The following CELF2 variants were observed in gnomAD, a reference collection of about 807,000 sequenced individuals.
CELF2 encodes CUG triplet repeat RNA-binding protein 2.
In CELF2, 8 loss-of-function variants were observed where a neutral mutation model predicts 62.6. The ratio of observed to expected loss-of-function variants is 0.13; its 90% confidence interval spans 0.07 to 0.23. The LOEUF (loss-of-function observed/expected upper bound fraction) is 0.23, where lower values mean the gene tolerates loss of function less well. Ranked by LOEUF, CELF2 falls within the 10% of genes least tolerant of loss-of-function variation. CELF2 has a pLI of 1.00. For missense variants in CELF2, 333 were observed against 671.0 expected (o/e 0.50, Z 5.56); for synonymous variants, 258 against 250.0 (o/e 1.03, Z -0.30).
At chr10:11,150,108 A>G (rs563109057) in intron 1 of CELF2, among the ~76,000 whole-genome samples, 1 of 152,180 alleles carries the variant, frequency 6.6e-6, no homozygotes, top group Non-Finnish European at 1.5e-5. Flanking sequence ...AACATCAGTG[A>G]TATCTGTTTC....
chr10:11,059,305 G>A (rs184335877), intron 1 of CELF2, among the ~76,000 whole-genome samples: 1 of 152,246 alleles, frequency 6.6e-6, no homozygotes, highest in African/African-American at 2.4e-5. Flanking sequence ...TCTGTTTTAG[G>A]GTGGAAAACC....
intron 1 of CELF2, chr10:10,846,162 G>A: frequency 1.0e-6 from 1 of 973,012 alleles, no homozygotes; most frequent in Non-Finnish European, 1.2e-6. Context: ...TCACAGTAAG[G>A]AATCCATTCC....
the CELF2 span, among the ~76,000 whole-genome samples, chr10:10,650,377 C>A: frequency 6.6e-6 from 1 of 152,246 alleles, no homozygotes; most frequent in South Asian, 2.1e-4. Context: ...TATATCTTCC[C>A]ATTTGACTTA....
At chr10:11,067,934 T>C (rs1020259071) in intron 1 of CELF2, among the ~76,000 whole-genome samples, 2 of 152,202 alleles carry the variant, frequency 1.3e-5, no homozygotes, top group African/African-American at 4.8e-5. Context: ...CTGATCCCAG[T>C]AGGTACTTAG....
intron 1 of CELF2, among the ~76,000 whole-genome samples, chr10:10,867,248 C>T (rs886195565): frequency 6.6e-5 from 10 of 152,174 alleles, no homozygotes; most frequent in African/African-American, 2.4e-4. Flanking sequence ...CAGTGGGCTC[C>T]CCCAGGTGGG....
At chr10:10,623,285 C>CTGTGTAA in the CELF2 span, among the ~76,000 whole-genome samples, 2 of 151,938 alleles carry the variant, frequency 1.3e-5, no homozygotes, top group African/African-American at 2.4e-5. Flanking sequence ...TGTGGGTAAT[C>CTGTGTAA]TGTGTAATAA....
chr10:10,574,614 T>C, the CELF2 span, among the ~76,000 whole-genome samples: 1 of 152,218 alleles, frequency 6.6e-6, no homozygotes, highest in Non-Finnish European at 1.5e-5. Flanking sequence ...GCTGTTTTTG[T>C]TCAAAATAAG....
the CELF2 span, among the ~76,000 whole-genome samples, chr10:10,463,628 A>G: frequency 6.6e-6 from 1 of 152,144 alleles, no homozygotes; most frequent in Non-Finnish European, 1.5e-5. Context: ...AAATATATCC[A>G]TGTGTCAAAC....
the CELF2 span, among the ~76,000 whole-genome samples, chr10:10,748,357 T>C: frequency 6.6e-6 from 1 of 152,148 alleles, no homozygotes; most frequent in East Asian, 1.9e-4. Flanking sequence ...TATGCACAAA[T>C]ATTATTTGTC....
At position 11,010,747 on chromosome 10, in the gene CELF2, TC is replaced by T. The variant is rs1195236451; in HGVS notation, c.53+5309del. 2.0e-5 allele frequency among the ~76,000 whole-genome samples: 3 copies of T among 152,220 alleles called. No individual in the cohort carries two copies. Among genetic ancestry groups the T allele is most frequent in the Non-Finnish European group, 4.4e-5 (3 of 68,038 alleles). ...ACATTTCTTTCTCTGGTGCTGTGGTTCCACTGTAGACGTTGATTTGTGTCTC... is the reference window on the plus strand; with the variant it reads ...ACATTTCTTTCTCTGGTGCTGTGGTTCACTGTAGACGTTGATTTGTGTCTC... On this transcript the variant is annotated intron_variant, in intron 1 of 12. Coordinates refer to the CELF2 transcript ENST00000416382. The surrounding 1 kb of genome is among the most constrained non-coding windows in gnomAD (Gnocchi z 4.1).
rs562827019 is a variant in CELF2 at position 11,321,875 on chromosome 10, G to A, written c.1294+489G>A. Among the ~76,000 whole-genome samples the A allele has an allele frequency of 6.6e-6, 1 of 152,268 alleles. No individual in the cohort carries two copies. Among genetic ancestry groups the A allele is most frequent in the East Asian group, 1.9e-4 (1 of 5,186 alleles). On this transcript the variant is annotated intron_variant, in intron 11 of 12. Coordinates refer to ENST00000633077, the MANE Select transcript of CELF2 (RefSeq NM_001326342.2). The surrounding 1 kb of genome is among the most constrained non-coding windows in gnomAD (Gnocchi z 6.2). ...ATTATTTCCCCCAGCTACATCTTCTGAAGGGTTATGGCATCTCTGCAGATC... is the reference window on the plus strand; with the variant it reads ...ATTATTTCCCCCAGCTACATCTTCTAAAGGGTTATGGCATCTCTGCAGATC...
Position 10,823,834 on chromosome 10 carries a change from G to T in CELF2, c.53+25017G>T, listed in dbSNP as rs945722945. 2.6e-5 allele frequency among the ~76,000 whole-genome samples: 4 copies of T among 152,104 alleles called. No individual in the cohort carries two copies. In the East Asian group the frequency reaches 7.7e-4, roughly 29 times the overall value. On this transcript the variant is annotated intron_variant, in intron 1 of 13. Coordinates refer to the CELF2 transcript ENST00000636488. Reference sequence around the variant, plus strand: ...ATTCTTATACCCATTTTATATATGAGAAAAAGCATAAAACTTGTTCAAACA... The same window carrying T: ...ATTCTTATACCCATTTTATATATGATAAAAAGCATAAAACTTGTTCAAACA...
rs1278649496 is a variant in CELF2 at position 11,333,776 on chromosome 10, G to C, written c.*4723G>C. 1 of 152,288 alleles carries C rather than the reference G, an allele frequency of 6.6e-6. No homozygotes were observed. Among genetic ancestry groups the C allele is most frequent in the Non-Finnish European group, 1.5e-5 (1 of 67,958 alleles). 9.4% of individuals were successfully genotyped at this position (152,288 alleles called of 1,614,324 possible). A position where few individuals can be genotyped will look rare whatever the true frequency, so the allele number is the denominator to read the frequency against. ...TATTGTTTGTTTTATTGATGCATTT[G>C]GATTTTGTTGTTTGATGGAATTTGA... is the stretch of plus-strand genomic sequence containing the variant. On this transcript the variant is annotated 3_prime_UTR_variant, in exon 13 of 13. Coordinates refer to ENST00000633077, the MANE Select transcript of CELF2 (RefSeq NM_001326342.2).
intron 1 of CELF2, among the ~76,000 whole-genome samples, chr10:10,880,595 G>A (rs972968749): frequency 2.0e-5 from 3 of 152,094 alleles, no homozygotes; most frequent in African/African-American, 4.8e-5. Context: ...AATATGTTGA[G>A]CATATGGATT....
intron 1 of CELF2, among the ~76,000 whole-genome samples, chr10:10,844,484 G>A (rs1434995942): frequency 6.6e-6 from 1 of 152,108 alleles, no homozygotes; most frequent in Non-Finnish European, 1.5e-5. Context: ...TAGTACAGAA[G>A]ATTCCTCTAA....
At chr10:11,301,260 G>A (rs576271618) in intron 9 of CELF2, among the ~76,000 whole-genome samples, 14 of 151,986 alleles carry the variant, frequency 9.2e-5, no homozygotes, top group African/African-American at 2.9e-4. Context: ...AAGTTCCTCC[G>A]CAGGCAGCCT....
the CELF2 span, among the ~76,000 whole-genome samples, chr10:10,520,888 A>G: frequency 1.3e-5 from 2 of 152,070 alleles, no homozygotes; most frequent in Non-Finnish European, 2.9e-5. Flanking sequence ...CATATGGGGG[A>G]AAAAAAGGGG....
intron 2 of CELF2, among the ~76,000 whole-genome samples, chr10:10,996,363 G>A (rs2053949452): frequency 6.6e-6 from 1 of 152,194 alleles, no homozygotes; most frequent in Non-Finnish European, 1.5e-5. Flanking sequence ...AGAAATGAGG[G>A]CAAGGAGCTG....
chr10:10,727,467 C>T, the CELF2 span, among the ~76,000 whole-genome samples: 1 of 152,104 alleles, frequency 6.6e-6, no homozygotes, highest in African/African-American at 2.4e-5. Flanking sequence ...AGAACATCTG[C>T]CCTTGATTGC....
Sources: gnomAD v4.1 joint callset for allele counts (sites outside exome capture counted in the v4.1 genomes callset) on GRCh38, gnomAD v4.1.1 for gene constraint, Gnocchi (gnomAD v3.1) non-coding constraint, MANE v1.5 for transcripts, NCBI Gene and HGNC (gene_info 2026-07-23, HGNC 2026-07-21) for gene names.